PLCE1: variants seen among roughly 807,000 people sequenced by gnomAD.
PLCE1 encodes the protein 1-phosphatidylinositol 4,5-bisphosphate phosphodiesterase epsilon-1.
In PLCE1, 119 loss-of-function variants were observed where a neutral mutation model predicts 242.8. The ratio of observed to expected loss-of-function variants is 0.49; its 90% CI spans 0.42 to 0.57. The LOEUF (loss-of-function observed/expected upper bound fraction) is 0.57. Among genes scored for constraint, PLCE1 ranks in the 20% least tolerant of loss-of-function variants. The pLI is 0.00. For synonymous variants in PLCE1, 945 were observed against 1,017.4 expected, an observed-to-expected ratio of 0.93 and a Z score of 1.35; for missense variants, 2,441 against 2,788.8, an observed-to-expected ratio of 0.88 and a Z score of 2.81.
At chr10:94,120,398 T>C (rs1262122200) in intron 2 of PLCE1, among the ~76,000 whole-genome samples, 1 of 152,146 alleles carries the variant, frequency 6.6e-6, no homozygotes, top group African/African-American at 2.4e-5. Flanking sequence ...AGCTGCTCAA[T>C]TAATCAGGAC....
At chr10:94,323,727 T>C (rs1255911270) in intron 30 of PLCE1, among the ~76,000 whole-genome samples, 1 of 152,240 alleles carries the variant, frequency 6.6e-6, no homozygotes, top group East Asian at 1.9e-4. Context: ...CAACTGACTT[T>C]GAATTCCAAA....
At chr10:94,164,559 A>G (rs1041362271) in intron 3 of PLCE1, among the ~76,000 whole-genome samples, 1 of 152,118 alleles carries the variant, frequency 6.6e-6, no homozygotes, top group Non-Finnish European at 1.5e-5. Context: ...CAAGGTTTTT[A>G]ACTTCTTTGC....
intron 4 of PLCE1, among the ~76,000 whole-genome samples, chr10:94,179,478 C>CCCTTCATCTT (rs930577154): frequency 1.5e-5 from 2 of 135,110 alleles, no homozygotes; most frequent in African/African-American, 5.4e-5. Flanking sequence ...AGATACCTAA[C>CCCTTCATCTT]CCTTCATCTT....
At chr10:94,289,008 T>A (rs913998772) in intron 22 of PLCE1, among the ~76,000 whole-genome samples, 1 of 152,162 alleles carries the variant, frequency 6.6e-6, no homozygotes, top group East Asian at 1.9e-4. Context: ...ATGGCTGTTC[T>A]GGGTTACTCA....
chr10:94,071,243 T>G (rs2044343080), intron 2 of PLCE1, among the ~76,000 whole-genome samples: 1 of 151,886 alleles, frequency 6.6e-6, no homozygotes, highest in Admixed American at 6.6e-5. Flanking sequence ...TGCTTCCGTG[T>G]CCCTCTCACA....
intron 3 of PLCE1, among the ~76,000 whole-genome samples, chr10:94,133,083 A>G (rs575728664): frequency 1.3e-5 from 2 of 152,296 alleles, no homozygotes; most frequent in East Asian, 3.9e-4. Context: ...ACAAATGTCA[A>G]TTACTATGAC....
At chr10:94,221,073 G>A (rs2049726866) in intron 4 of PLCE1, among the ~76,000 whole-genome samples, 1 of 152,148 alleles carries the variant, frequency 6.6e-6, no homozygotes, top group Non-Finnish European at 1.5e-5. Context: ...AAGGCCCTGG[G>A]GTGCAGAAAA....
At chr10:94,275,370 G>A (rs577964652) in intron 19 of PLCE1, among the ~76,000 whole-genome samples, 14 of 152,058 alleles carry the variant, frequency 9.2e-5, no homozygotes, top group South Asian at 2.1e-4. Context: ...TAAGAATATC[G>A]TAGATATTCT....
chr10:94,030,048 C>T (rs1424036536), intron 1 of PLCE1, among the ~76,000 whole-genome samples: 1 of 152,068 alleles, frequency 6.6e-6, no homozygotes, highest in Non-Finnish European at 1.5e-5. Flanking sequence ...AAAGTTTTTA[C>T]TTAATTTTTA....
At chr10:94,024,471 T>C (rs531264976) in intron 1 of PLCE1, among the ~76,000 whole-genome samples, 2 of 152,234 alleles carry the variant, frequency 1.3e-5, no homozygotes, top group South Asian at 4.1e-4. Context: ...TGTTACCTGG[T>C]TCCCTTTATC....
Position 94,235,276 on chromosome 10 carries a change from GA to G in PLCE1, c.2215-636del, listed in dbSNP as rs533982169. Among the ~76,000 whole-genome samples, 386 of 152,250 alleles carry G rather than the reference GA, an allele frequency of 2.5e-3. 2 individuals are homozygous for G. The highest frequency in any genetic ancestry group is 3.9e-3 in the Non-Finnish European group (264 of 68,028). ...GTTATGAGCTAGGATAAAAGGGCAA[GA>G]AATGGAGGAGAAAGCTTAAAGGAAG... On this transcript the variant is annotated intron_variant, in intron 6 of 32. Coordinates refer to ENST00000371380, the MANE Select transcript of PLCE1 (RefSeq NM_016341.4).
At chr10:94,270,319 C>G (rs553896518) in intron 17 of PLCE1, among the ~76,000 whole-genome samples, 167 bp from the exon 18 acceptor site, 16 of 152,290 alleles carry the variant, frequency 1.1e-4, no homozygotes, top group South Asian at 4.1e-4. Context: ...TAATGTCTTT[C>G]TACAAAATGG....
chr10:94,052,134 T>C (rs1453074521), intron 2 of PLCE1, among the ~76,000 whole-genome samples: 4 of 152,218 alleles, frequency 2.6e-5, no homozygotes, highest in African/African-American at 9.6e-5. Flanking sequence ...GAATAAGGAT[T>C]GGAGGGGAGA....
chr10:94,203,675 A>G (rs1171575825), intron 4 of PLCE1, among the ~76,000 whole-genome samples: 3 of 152,208 alleles, frequency 2.0e-5, no homozygotes, highest in African/African-American at 7.2e-5. Flanking sequence ...TTGAGCCTAC[A>G]TAAGCAGAAA....
At chr10:94,029,054 A>G (rs1481062150) in intron 1 of PLCE1, among the ~76,000 whole-genome samples, 1 of 152,140 alleles carries the variant, frequency 6.6e-6, no homozygotes, top group Non-Finnish European at 1.5e-5. Context: ...TGATTGTGCC[A>G]TTGCACTTCA....
At chr10:94,216,239 A>G (rs1276844442) in intron 4 of PLCE1, among the ~76,000 whole-genome samples, 1 of 152,160 alleles carries the variant, frequency 6.6e-6, no homozygotes, top group Admixed American at 6.5e-5. Flanking sequence ...CCAGCCAATG[A>G]TAGAGTCAGC....
chr10:94,138,187 A>G (rs939915944), intron 3 of PLCE1: 15 of 370,354 alleles, frequency 4.1e-5, no homozygotes, highest in South Asian at 2.4e-4. Flanking sequence ...TGCTAAGTCA[A>G]TGATACAGTC....
chr10:94,087,913 T>C (rs902190522), intron 2 of PLCE1, among the ~76,000 whole-genome samples: 3 of 152,346 alleles, frequency 2.0e-5, no homozygotes, highest in South Asian at 2.1e-4. Context: ...GGCCAGGAGC[T>C]CGGATACTGG....
intron 2 of PLCE1, among the ~76,000 whole-genome samples, chr10:94,117,001 T>G (rs1027893240): frequency 1.2e-4 from 19 of 152,204 alleles, no homozygotes; most frequent in African/African-American, 4.6e-4. Flanking sequence ...GCCTCCTGTC[T>G]TATAGTGTAT....
Sources: gnomAD v4.1 joint callset for allele counts (sites outside exome capture counted in the v4.1 genomes callset) on GRCh38, gnomAD v4.1.1 for gene constraint, MANE v1.5 for transcripts, NCBI Gene and HGNC (gene_info 2026-07-23, HGNC 2026-07-21) for gene names.